SLC30A9: variants seen among roughly 807,000 people sequenced by gnomAD.
SLC30A9 encodes the protein solute carrier family 30 member 9, also known as proton-coupled zinc antiporter SLC30A9, mitochondrial.
Under a neutral mutation model 87.5 loss-of-function variants are expected in SLC30A9, and 58 were observed. The observed-to-expected ratio is 0.66, with a 90% CI of 0.54 to 0.82. SLC30A9 has a LOEUF of 0.82. Ranked by LOEUF, SLC30A9 falls within the 40% of genes least tolerant of loss-of-function variation. SLC30A9 has a pLI of 0.00. For synonymous variants in SLC30A9, 234 were observed against 233.0 expected, an observed-to-expected ratio of 1.00 and a Z score of -0.04; for missense variants, 557 against 679.1, an observed-to-expected ratio of 0.82 and a Z score of 2.00.
At chr4:42,040,837 TG>T (rs1204686523) in intron 8 of SLC30A9, among the ~76,000 whole-genome samples, 2 of 148,074 alleles carry the variant, frequency 1.4e-5, no homozygotes, top group Non-Finnish European at 3.0e-5. Flanking sequence ...GAGGAAAAAG[TG>T]CCTGCAGAGG....
At chr4:41,990,834 T>A in intron 1 of SLC30A9, 74 bp downstream of exon 1, 2 of 1,094,910 alleles carry the variant, frequency 1.8e-6, no homozygotes, top group Middle Eastern at 5.5e-4. Context: ...GCGCCTCGCC[T>A]GGGGCAATTC....
At chr4:42,042,909 C>A (rs903843881) in intron 8 of SLC30A9, among the ~76,000 whole-genome samples, 4 of 152,156 alleles carry the variant, frequency 2.6e-5, no homozygotes, top group African/African-American at 9.7e-5. Context: ...GTTCTGCAGC[C>A]CCTGCTGTTG....
intron 8 of SLC30A9, among the ~76,000 whole-genome samples, chr4:42,045,084 C>T (rs1384703305): frequency 6.6e-6 from 1 of 152,124 alleles, no homozygotes; most frequent in Non-Finnish European, 1.5e-5. Flanking sequence ...AAATTTATAG[C>T]ACTAAATACC....
At position 42,007,085 on chromosome 4, in the gene SLC30A9, A is replaced by G. The variant is rs78732552; in HGVS notation, c.274+5305A>G. The stretch of plus-strand genomic sequence containing the variant: ...GTTGCAAAATGTCAAACAGGTTGCA[A>G]AGGAGGGAGATTGAAAGTAGTAGTA... On this transcript the variant is annotated intron_variant, in intron 2 of 17. Coordinates refer to ENST00000264451, the MANE Select transcript of SLC30A9 (RefSeq NM_006345.4). Among the ~76,000 whole-genome samples, 1,368 of 152,286 alleles carry G rather than the reference A, an allele frequency of 9.0e-3. 22 individuals carry two copies. Among genetic ancestry groups the G allele is most frequent in the African/African-American group, 0.032 (1,315 of 41,548 alleles).
At chr4:42,035,371 G>A (rs1164654014) in intron 7 of SLC30A9, 38 bp downstream of exon 7, 2 of 1,588,546 alleles carry the variant, frequency 1.3e-6, no homozygotes, top group African/African-American at 1.4e-5. Flanking sequence ...TGTTTGTGTT[G>A]CACAGCAAAA....
intron 6 of SLC30A9, 99 bp from the exon 7 acceptor site, chr4:42,035,176 A>C: frequency 3.4e-6 from 4 of 1,168,494 alleles, no homozygotes; most frequent in Non-Finnish European, 4.9e-6. Flanking sequence ...GTTAGCTAGT[A>C]GCGCATATTT....
intron 17 of SLC30A9, among the ~76,000 whole-genome samples, chr4:42,081,667 T>C (rs1440285862): frequency 6.6e-6 from 1 of 152,120 alleles, no homozygotes; most frequent in Non-Finnish European, 1.5e-5. Context: ...AGGAAAATAA[T>C]GGACTAAATA....
At chr4:42,081,858 G>A (rs1718750000) in intron 17 of SLC30A9, among the ~76,000 whole-genome samples, 1 of 152,096 alleles carries the variant, frequency 6.6e-6, no homozygotes, top group African/African-American at 2.4e-5. Context: ...AATTATGTAA[G>A]TCTTTCAAAC....
At chr4:42,022,646 AT>A (rs891048731) in intron 4 of SLC30A9, among the ~76,000 whole-genome samples, 191 bp from the exon 5 acceptor site, 4 of 151,884 alleles carry the variant, frequency 2.6e-5, no homozygotes, top group African/African-American at 4.8e-5. Flanking sequence ...ATCAAGAGTA[AT>A]TTTTTTTCAC....
At chr4:42,081,983 C>T (rs1035429509) in intron 17 of SLC30A9, among the ~76,000 whole-genome samples, 6 of 152,052 alleles carry the variant, frequency 3.9e-5, no homozygotes, top group Admixed American at 6.5e-5. Context: ...TTTGGGAGGC[C>T]GAGGCGGGTG....
chr4:41,999,574 G>A (rs1474280988), intron 1 of SLC30A9, among the ~76,000 whole-genome samples: 3 of 151,990 alleles, frequency 2.0e-5, no homozygotes, highest in Non-Finnish European at 4.4e-5. Context: ...ACAGAAGAAT[G>A]GGCTAAACAA....
At chr4:42,048,493 A>G (rs998287397) in intron 8 of SLC30A9, among the ~76,000 whole-genome samples, 3 of 144,828 alleles carry the variant, frequency 2.1e-5, no homozygotes, top group Non-Finnish European at 3.1e-5. Context: ...TGTATAACAG[A>G]CTTGTAATAT....
At chr4:41,992,746 T>G (rs1714507924) in intron 1 of SLC30A9, among the ~76,000 whole-genome samples, 1 of 152,206 alleles carries the variant, frequency 6.6e-6, no homozygotes, top group South Asian at 2.1e-4. Flanking sequence ...TTGTGAAAAT[T>G]TAGTTTCAGT....
intron 2 of SLC30A9, among the ~76,000 whole-genome samples, chr4:42,017,904 A>G (rs1715787767): frequency 6.6e-6 from 1 of 152,122 alleles, no homozygotes; most frequent in Non-Finnish European, 1.5e-5. Flanking sequence ...TTCTGAAATG[A>G]TTGTATAGTT....
chr4:41,995,256 G>A (rs994259755), intron 1 of SLC30A9, among the ~76,000 whole-genome samples: 4 of 152,044 alleles, frequency 2.6e-5, no homozygotes, highest in Admixed American at 6.5e-5. Flanking sequence ...GCAAAACTCC[G>A]TCCCCCCACC....
chr4:42,005,115 T>C (rs771555254), intron 2 of SLC30A9, among the ~76,000 whole-genome samples: 1 of 152,250 alleles, frequency 6.6e-6, no homozygotes, highest in African/African-American at 2.4e-5. Flanking sequence ...TGTTTCTCAC[T>C]ATATGAGACT....
chr4:42,076,524 A>G (rs1301319457), intron 16 of SLC30A9, among the ~76,000 whole-genome samples: 2 of 152,194 alleles, frequency 1.3e-5, no homozygotes, highest in Admixed American at 6.5e-5. Flanking sequence ...TACAATTGGC[A>G]TAACAACATA....
chr4:42,083,117 G>A (rs1718802169), intron 17 of SLC30A9, among the ~76,000 whole-genome samples: 1 of 152,168 alleles, frequency 6.6e-6, no homozygotes, highest in Admixed American at 6.5e-5. Context: ...TTGGGAGGCT[G>A]CTGTAGCATT....
chr4:42,011,451 C>G (rs926623464), intron 2 of SLC30A9, among the ~76,000 whole-genome samples: 1 of 152,104 alleles, frequency 6.6e-6, no homozygotes, highest in African/African-American at 2.4e-5. Context: ...CTTGCTGTTT[C>G]CTGGCTTAGA....
Sources: allele counts gnomAD v4.1 joint callset (sites outside exome capture counted in the v4.1 genomes callset), GRCh38; gene constraint gnomAD v4.1.1; transcripts MANE v1.5; gene names NCBI Gene and HGNC (gene_info 2026-07-23, HGNC 2026-07-21).